The following PAX5 variants were observed in gnomAD, a reference collection of about 807,000 sequenced individuals.
PAX5 encodes paired box protein Pax-5.
PAX5 carries 9 observed loss-of-function variants against 43.7 expected under a neutral mutation model. The observed-to-expected ratio is 0.21, with a 90% CI of 0.12 to 0.36. The LOEUF is 0.36. Among genes scored for constraint, PAX5 ranks in the 10% least tolerant of loss-of-function variants. The pLI, the probability that PAX5 is intolerant of heterozygous loss-of-function variation, is 1.00. For synonymous variants in PAX5, 228 were observed against 214.3 expected, an observed-to-expected ratio of 1.06 and a Z score of -0.56; for missense variants, 383 against 532.7, an observed-to-expected ratio of 0.72 and a Z score of 2.77.
chr9:36,954,219 G>A (rs1833255442), intron 6 of PAX5, among the ~76,000 whole-genome samples: 1 of 152,054 alleles, frequency 6.6e-6, no homozygotes, highest in African/African-American at 2.4e-5. Context: ...CTAAAGTAAG[G>A]TTTCATGTTA....
chr9:36,969,792 C>G (rs1313933455), intron 5 of PAX5, among the ~76,000 whole-genome samples: 1 of 152,116 alleles, frequency 6.6e-6, no homozygotes, highest in Non-Finnish European at 1.5e-5. Flanking sequence ...CTGGGCAGAG[C>G]CTGCCTCTCC....
intron 5 of PAX5, among the ~76,000 whole-genome samples, chr9:36,967,067 G>A (rs978849345): frequency 1.3e-5 from 2 of 152,220 alleles, no homozygotes; most frequent in Non-Finnish European, 2.9e-5. Flanking sequence ...CTGAGGATTC[G>A]AGCTTGGGCT....
At chr9:36,981,195 C>CCCAG (rs1835897225) in intron 5 of PAX5, among the ~76,000 whole-genome samples, 1 of 145,296 alleles carries the variant, frequency 6.9e-6, no homozygotes, top group African/African-American at 2.7e-5. Flanking sequence ...GCCCCCCCCC[C>CCCAG]CTCAGCCCTG....
intron 6 of PAX5, among the ~76,000 whole-genome samples, chr9:36,957,515 C>T (rs1403220882): frequency 3.9e-5 from 6 of 152,142 alleles, no homozygotes. Flanking sequence ...TTCAAAGCTC[C>T]AACCAAACCC....
intron 8 of PAX5, among the ~76,000 whole-genome samples, 163 bp from the exon 9 acceptor site, chr9:36,847,092 G>A (rs1822666300): frequency 6.6e-6 from 1 of 152,216 alleles, no homozygotes; most frequent in Admixed American, 6.5e-5. Flanking sequence ...CATCATTATG[G>A]AGTGGGCAGC....
chr9:36,930,968 G>T, intron 6 of PAX5: 1 of 652,158 alleles, frequency 1.5e-6, no homozygotes, highest in Non-Finnish European at 2.5e-6. Flanking sequence ...GAGGAGAAAA[G>T]AAACACAGAC....
intron 7 of PAX5, among the ~76,000 whole-genome samples, chr9:36,902,958 C>T (rs1216234390): frequency 6.6e-6 from 1 of 152,206 alleles, no homozygotes; most frequent in Non-Finnish European, 1.5e-5. Flanking sequence ...CCCTCCCCTT[C>T]CCCCAAATCC....
chr9:37,032,149 C>T (rs3739441), intron 1 of PAX5, among the ~76,000 whole-genome samples: 1,893 of 152,264 alleles, frequency 0.012, 48 homozygotes, highest in East Asian at 0.088. Flanking sequence ...CTAGGGCTCC[C>T]GTATCTCACC....
intron 6 of PAX5, among the ~76,000 whole-genome samples, chr9:36,941,843 A>G (rs1283252300): frequency 1.3e-5 from 2 of 152,150 alleles, no homozygotes; most frequent in Non-Finnish European, 2.9e-5. Context: ...CCAGGACATG[A>G]GACTCACACC....
intron 8 of PAX5, among the ~76,000 whole-genome samples, chr9:36,871,661 G>T (rs550650491): frequency 6.6e-6 from 1 of 152,360 alleles, no homozygotes; most frequent in East Asian, 1.9e-4. Context: ...TGTAAGTCAG[G>T]ATCCCAAACA....
chr9:37,012,270 T>C (rs529880289), intron 3 of PAX5, among the ~76,000 whole-genome samples: 76 of 152,214 alleles, frequency 5.0e-4, no homozygotes, highest in African/African-American at 1.6e-3. Context: ...ACTCGCAGAG[T>C]CCTACAGGGC....
intron 4 of PAX5, among the ~76,000 whole-genome samples, chr9:37,005,021 G>A (rs1411427689): frequency 6.6e-6 from 1 of 152,226 alleles, no homozygotes; most frequent in African/African-American, 2.4e-5. Context: ...CTGACCTACA[G>A]TAGAATTATT....
In PAX5 at chr9:36,923,491, G is replaced by T; in HGVS notation, c.781-7C>A. 6.2e-7 allele frequency: 1 copy of T among 1,604,692 alleles called. No individual in the cohort carries two copies. The highest frequency in any genetic ancestry group is 2.2e-5 in the East Asian group (1 of 44,752). ...TGGCTGAATACTCTGTGGTCTGAAA[G>T]AAGAAACAGAGACGTCTCAGCACCA... is the stretch of plus-strand genomic sequence containing the variant. On this transcript the variant is annotated splice_region_variant and splice_polypyrimidine_tract_variant and intron_variant, in intron 6 of 9. Coordinates refer to ENST00000358127, the MANE Select transcript of PAX5 (RefSeq NM_016734.3).
chr9:36,976,924 T>C (rs1835484130), intron 5 of PAX5, among the ~76,000 whole-genome samples: 1 of 152,180 alleles, frequency 6.6e-6, no homozygotes, highest in African/African-American at 2.4e-5. Context: ...ACATGAGGCC[T>C]CTGACTCCTG....
At chr9:36,855,512 T>C (rs1362282083) in intron 8 of PAX5, among the ~76,000 whole-genome samples, 10 of 149,482 alleles carry the variant, frequency 6.7e-5, no homozygotes, top group African/African-American at 2.0e-4. Context: ...ATGACCCCCC[T>C]GAAGCCTCAC....
chr9:36,959,976 C>T (rs762509800), intron 6 of PAX5, among the ~76,000 whole-genome samples: 9 of 152,196 alleles, frequency 5.9e-5, no homozygotes, highest in Non-Finnish European at 1.0e-4. Context: ...AAGTAAGAGT[C>T]TTTTCAGAAC....
At chr9:36,847,477 C>A (rs1385503460) in intron 8 of PAX5, among the ~76,000 whole-genome samples, 1 of 152,186 alleles carries the variant, frequency 6.6e-6, no homozygotes, top group Non-Finnish European at 1.5e-5. Context: ...GTCCCTGGGG[C>A]CTCAGTCTCG....
chr9:36,843,691 T>G (rs1334057015), intron 9 of PAX5, among the ~76,000 whole-genome samples: 1 of 152,214 alleles, frequency 6.6e-6, no homozygotes, highest in Non-Finnish European at 1.5e-5. Context: ...CCAGCTTCCC[T>G]TGCTGCTAGG....
At chr9:36,954,521 A>G (rs1310147771) in intron 6 of PAX5, among the ~76,000 whole-genome samples, 4 of 152,222 alleles carry the variant, frequency 2.6e-5, no homozygotes, top group Non-Finnish European at 5.9e-5. Flanking sequence ...GGTAATTATT[A>G]CTATCTCTTA....
Sources: allele counts gnomAD v4.1 joint callset (sites outside exome capture counted in the v4.1 genomes callset), GRCh38; gene constraint gnomAD v4.1.1; transcripts MANE v1.5; gene names NCBI Gene and HGNC (gene_info 2026-07-23, HGNC 2026-07-21).